The following TRHDE variants were observed in gnomAD, a reference collection of about 807,000 sequenced individuals.
TRHDE encodes the protein thyrotropin releasing hormone degrading enzyme.
TRHDE carries 72 observed loss-of-function variants against 125.7 expected under a neutral mutation model. The ratio of observed to expected loss-of-function variants is 0.57; its 90% CI spans 0.47 to 0.70. The LOEUF (loss-of-function observed/expected upper bound fraction) is 0.70, where lower values mean the gene tolerates loss of function less well. Among genes scored for constraint, TRHDE ranks in the 30% least tolerant of loss-of-function variants. The probability of loss-of-function intolerance (pLI) is 0.00; values close to 1 mark genes in which losing one functional copy is unlikely to be tolerated. For missense variants in TRHDE, 1,110 were observed against 1,327.1 expected (o/e 0.84, Z 2.54); for synonymous variants, 509 against 509.1 (o/e 1.00, Z 0.00).
At chr12:72,182,814 C>T (rs951357588) in intron 2 of TRHDE, among the ~76,000 whole-genome samples, 3 of 152,198 alleles carry the variant, frequency 2.0e-5, no homozygotes, top group African/African-American at 4.8e-5. Flanking sequence ...AGAGAAGATA[C>T]ACTTCCTTCC....
intron 18 of TRHDE, among the ~76,000 whole-genome samples, chr12:72,662,293 A>G (rs1480421506): frequency 6.6e-6 from 1 of 152,152 alleles, no homozygotes; most frequent in Non-Finnish European, 1.5e-5. Context: ...GAAAGGAAAA[A>G]CTTCTGGTAT....
intron 1 of TRHDE, among the ~76,000 whole-genome samples, chr12:72,093,011 A>C (rs768278151): frequency 1.3e-5 from 2 of 152,188 alleles, no homozygotes; most frequent in African/African-American, 2.4e-5. Flanking sequence ...AAGGAGATTA[A>C]GTTTTGATAG....
chr12:72,366,651 A>G (rs1485974383), intron 2 of TRHDE, among the ~76,000 whole-genome samples: 1 of 152,098 alleles, frequency 6.6e-6, no homozygotes, highest in Non-Finnish European at 1.5e-5. Context: ...CACTTTAAGT[A>G]TAAGAGCCTA....
chr12:72,089,882 A>G (rs1001548806), intron 1 of TRHDE, among the ~76,000 whole-genome samples: 2 of 152,220 alleles, frequency 1.3e-5, no homozygotes, highest in African/African-American at 4.8e-5. Flanking sequence ...GGTGCTTGGC[A>G]AGTGGTGAAC....
intron 2 of TRHDE, among the ~76,000 whole-genome samples, chr12:72,195,155 A>G (rs1360530533): frequency 6.6e-6 from 1 of 152,078 alleles, no homozygotes; most frequent in Admixed American, 6.5e-5. Context: ...TAATGAGAAT[A>G]GCATGAAGGT....
At chr12:72,443,234 TC>T (rs1875110351) in intron 3 of TRHDE, among the ~76,000 whole-genome samples, 2 of 138,246 alleles carry the variant, frequency 1.4e-5, no homozygotes, top group South Asian at 4.5e-4. Flanking sequence ...GTGTGTGTTT[TC>T]CACTACTTTA....
intron 2 of TRHDE, among the ~76,000 whole-genome samples, chr12:72,112,743 T>C (rs1226908669): frequency 1.3e-5 from 2 of 152,196 alleles, no homozygotes; most frequent in East Asian, 3.9e-4. Context: ...TTAATCACAC[T>C]CCTAGATGGA....
intron 2 of TRHDE, among the ~76,000 whole-genome samples, chr12:72,258,599 C>G (rs1230747581): frequency 6.6e-6 from 1 of 152,034 alleles, no homozygotes; most frequent in Non-Finnish European, 1.5e-5. Flanking sequence ...TTTGCATGAA[C>G]AGTATGGTGG....
chr12:72,638,601 G>A (rs1873877337), intron 15 of TRHDE, among the ~76,000 whole-genome samples: 1 of 152,102 alleles, frequency 6.6e-6, no homozygotes, highest in East Asian at 1.9e-4. Context: ...TCCTAGTCTC[G>A]ATGGTCTTTA....
chr12:72,310,124 A>T (rs566060547), intron 2 of TRHDE, among the ~76,000 whole-genome samples: 1 of 152,284 alleles, frequency 6.6e-6, no homozygotes, highest in African/African-American at 2.4e-5. Flanking sequence ...TGGAGTCTGG[A>T]GCCCTATTGC....
intron 2 of TRHDE, among the ~76,000 whole-genome samples, chr12:72,373,652 G>A (rs893326903): frequency 3.9e-5 from 6 of 152,188 alleles, no homozygotes; most frequent in Non-Finnish European, 7.3e-5. Context: ...GGGGTCAGAG[G>A]GAAGGATTTT....
intron 10 of TRHDE, among the ~76,000 whole-genome samples, chr12:72,572,314 A>G (rs1248003163): frequency 6.6e-6 from 1 of 152,160 alleles, no homozygotes; most frequent in African/African-American, 2.4e-5. Flanking sequence ...ATAAAATCTT[A>G]TAAAATACCA....
intron 5 of TRHDE, among the ~76,000 whole-genome samples, chr12:72,490,653 C>T (rs1353393867): frequency 6.6e-6 from 1 of 150,830 alleles, no homozygotes; most frequent in Non-Finnish European, 1.5e-5. Context: ...TAAAATCTTG[C>T]CATTTGTCAT....
chr12:72,315,359 GCAA>G (rs1384538889), intron 2 of TRHDE, among the ~76,000 whole-genome samples: 1 of 149,636 alleles, frequency 6.7e-6, no homozygotes, highest in Non-Finnish European at 1.5e-5. Context: ...CCTCAAGGTG[GCAA>G]TATTTTATGG....
chr12:72,401,485 C>T (rs999391523), intron 3 of TRHDE, among the ~76,000 whole-genome samples: 4 of 152,134 alleles, frequency 2.6e-5, no homozygotes, highest in African/African-American at 7.2e-5. Context: ...CAGCAACTGA[C>T]CATTACATCA....
chr12:72,527,212 C>T (rs1868351315), intron 6 of TRHDE, among the ~76,000 whole-genome samples: 1 of 152,136 alleles, frequency 6.6e-6, no homozygotes, highest in South Asian at 2.1e-4. Flanking sequence ...ATGGCTCCTC[C>T]ATTCCTGATT....
intron 2 of TRHDE, among the ~76,000 whole-genome samples, chr12:72,304,500 A>G (rs17782464): frequency 0.18 from 27,847 of 152,092 alleles, 2,709 homozygotes; most frequent in Middle Eastern, 0.35. Flanking sequence ...TTCACAGGAA[A>G]TCTGATTTGG....
At chr12:72,328,741 G>A (rs569790794) in intron 2 of TRHDE, among the ~76,000 whole-genome samples, 6 of 152,216 alleles carry the variant, frequency 3.9e-5, no homozygotes, top group Admixed American at 1.3e-4. Context: ...GAGAGGAAAA[G>A]TTTCTTTGCT....
chr12:72,536,350 C>A (rs1309950001), intron 6 of TRHDE, among the ~76,000 whole-genome samples: 1 of 152,056 alleles, frequency 6.6e-6, no homozygotes, highest in Non-Finnish European at 1.5e-5. Context: ...TTAAAGGAGC[C>A]AGAGAAGGTA....
Sources: allele counts gnomAD v4.1 joint callset (sites outside exome capture counted in the v4.1 genomes callset), GRCh38; gene constraint gnomAD v4.1.1; transcripts MANE v1.5; gene names NCBI Gene and HGNC (gene_info 2026-07-23, HGNC 2026-07-21).